The following AGPAT4 variants were observed in gnomAD, a reference collection of about 807,000 sequenced individuals.
The protein encoded by AGPAT4 is 1-acyl-sn-glycerol-3-phosphate acyltransferase delta.
In AGPAT4, 15 loss-of-function variants were observed where a neutral mutation model predicts 48.0. That is an observed-to-expected ratio of 0.31 (90% CI 0.21 to 0.48). The LOEUF is 0.48. Among genes scored for constraint, AGPAT4 ranks in the 20% least tolerant of loss-of-function variants. The pLI, the probability that AGPAT4 is intolerant of heterozygous loss-of-function variation, is 0.99. For synonymous variants in AGPAT4, 178 were observed against 198.7 expected (o/e 0.90, Z 0.88); for missense variants, 314 against 482.5 (o/e 0.65, Z 3.27).
Position 161,240,406 on chromosome 6 carries a change from GC to G in AGPAT4, c.-89-8105del, listed in dbSNP as rs1271803765. Among the ~76,000 whole-genome samples the G allele has an allele frequency of 6.6e-6, 1 of 152,170 alleles. No individual in the cohort carries two copies. Among genetic ancestry groups the G allele is most frequent in the East Asian group, 1.9e-4 (1 of 5,194 alleles). ...ACACACGGCTGCCCTCCCAAGGCAA[GC>G]TTTTTCCTCTATGCCACTGCACTCT... is the stretch of plus-strand genomic sequence containing the variant. On this transcript the variant is annotated intron_variant, in intron 1 of 8. Transcript: ENST00000320285. This position sits in a 1 kb window ranked among gnomAD's most constrained non-coding sequence, Gnocchi z 5.5.
chr6:161,189,454 C>A lies in AGPAT4; in HGVS notation c.179-23037G>T, dbSNP rs115241408. Among the ~76,000 whole-genome samples the A allele has an allele frequency of 0.013, 2,026 of 152,344 alleles. 50 individuals carry two copies. The highest frequency in any genetic ancestry group is 0.047 in the African/African-American group (1,938 of 41,578). On this transcript the variant is annotated intron_variant, in intron 2 of 8. Coordinates refer to ENST00000320285, the MANE Select transcript of AGPAT4 (RefSeq NM_020133.3). The surrounding 1 kb of genome is among the most constrained non-coding windows in gnomAD (Gnocchi z 5.3). ...AGAACCCACATGTATTGTACACACA[C>A]TGTAGCCACACAGTGAGTGAGGCTC...
At chr6:161,252,180 G>A (rs1289381216) in intron 1 of AGPAT4, among the ~76,000 whole-genome samples, 3 of 152,260 alleles carry the variant, frequency 2.0e-5, no homozygotes, top group South Asian at 2.1e-4. Flanking sequence ...ACAAAACTAC[G>A]GCCTCTGACA....
chr6:161,200,764 C>T lies in AGPAT4; in HGVS notation c.178+31272G>A, dbSNP rs867753925. 8.5e-5 allele frequency among the ~76,000 whole-genome samples: 13 copies of T among 152,170 alleles called. No homozygotes were observed. Among genetic ancestry groups the T allele is most frequent in the Admixed American group, 2.0e-4 (3 of 15,278 alleles). On this transcript the variant is annotated intron_variant, in intron 2 of 8. Transcript: ENST00000320285. The surrounding 1 kb of genome is among the most constrained non-coding windows in gnomAD (Gnocchi z 5.5). ...CCATCTGTTCCTGAAGCCATACGGT[C>T]CATGTGTTACACTGCCCCCGCAGGA...
chr6:161,247,882 T>C (rs1782698959), intron 1 of AGPAT4, among the ~76,000 whole-genome samples: 2 of 148,264 alleles, frequency 1.3e-5, no homozygotes, highest in Admixed American at 7.0e-5. Flanking sequence ...CTCAGAAGGC[T>C]GAGGCAGGAC....
rs1781751497 is a variant in AGPAT4 at position 161,219,703 on chromosome 6, C to T, written c.178+12333G>A. Reference sequence around the variant, plus strand: ...TACAATTCAGTATCACATGTGTATTCCTAAACTTGCTGATTCTTTAGGGCC... The same window carrying T: ...TACAATTCAGTATCACATGTGTATTTCTAAACTTGCTGATTCTTTAGGGCC... On this transcript the variant is annotated intron_variant, in intron 2 of 8. Coordinates refer to ENST00000320285, the MANE Select transcript of AGPAT4 (RefSeq NM_020133.3). The surrounding 1 kb of genome is among the most constrained non-coding windows in gnomAD (Gnocchi z 4.9). Among the ~76,000 whole-genome samples, 1 of 152,112 alleles carries T rather than the reference C, an allele frequency of 6.6e-6. No individual in the cohort carries two copies. The highest frequency in any genetic ancestry group is 2.4e-5 in the African/African-American group (1 of 41,406).
intron 2 of AGPAT4, among the ~76,000 whole-genome samples, chr6:161,199,574 G>A (rs1029090233): frequency 3.9e-5 from 6 of 152,258 alleles, no homozygotes; most frequent in Middle Eastern, 3.4e-3. Flanking sequence ...GTTTGGCTCC[G>A]TGTCCCCATC....
rs541986515 is a variant in AGPAT4 at position 161,132,274 on chromosome 6, A to C, written c.*4266T>G. 1 of 152,348 alleles carries C rather than the reference A, an allele frequency of 6.6e-6. No homozygotes were observed. The highest frequency in any genetic ancestry group is 1.9e-4 in the East Asian group (1 of 5,180). 9.4% of individuals were successfully genotyped at this position (152,348 alleles called of 1,614,324 possible). ...TGTAGGGAAGCACCCTTCTGAGATG[A>C]AACCAATTTCTTGTCCACACAGCCA... On this transcript the variant is annotated 3_prime_UTR_variant, in exon 9 of 9. Transcript: ENST00000320285.
chr6:161,234,896 T>C lies in AGPAT4; in HGVS notation c.-89-2594A>G, dbSNP rs994016669. On this transcript the variant is annotated intron_variant, in intron 1 of 8. Transcript: ENST00000320285. This position sits in a 1 kb window ranked among gnomAD's most constrained non-coding sequence, Gnocchi z 4.4. ...AGAATTCTTTTTTCCTTATAAAATT[T>C]CAAGGTAAATTGAAATTTTACCGTG... Among the ~76,000 whole-genome samples, 2 of 152,062 alleles carry C rather than the reference T, an allele frequency of 1.3e-5. No individual in the cohort carries two copies. Among genetic ancestry groups the C allele is most frequent in the Admixed American group, 1.3e-4 (2 of 15,270 alleles).
In AGPAT4 at chr6:161,149,761, T is replaced by G. The variant is rs138032649; in HGVS notation, c.665-472A>C. Among the ~76,000 whole-genome samples, 1,839 of 152,230 alleles carry G rather than the reference T, an allele frequency of 0.012. 33 individuals are homozygous for G. Among genetic ancestry groups the G allele is most frequent in the African/African-American group, 0.042 (1,750 of 41,536 alleles). ...TTCACCATGTTGGTCAGACTGGTCT[T>G]GAACTCCTGACCTCAAGTGCTCTGC... On this transcript the variant is annotated intron_variant, in intron 5 of 8. Transcript: ENST00000320285. The surrounding 1 kb of genome is among the most constrained non-coding windows in gnomAD (Gnocchi z 6.5).
intron 2 of AGPAT4, among the ~76,000 whole-genome samples, chr6:161,172,508 C>G (rs544573563): frequency 4.5e-4 from 68 of 152,328 alleles, no homozygotes; most frequent in African/African-American, 1.5e-3. Flanking sequence ...CTAGCCAGGA[C>G]GGCCACCTGG....
At position 161,223,018 on chromosome 6, in the gene AGPAT4, G is replaced by T. The variant is rs1781872764; in HGVS notation, c.178+9018C>A. ...TCCTCAGCACCTGGCTTGTGATGCTGCTTCACGGGGACGTCGCTGCGCCCT... is the reference window on the plus strand; with the variant it reads ...TCCTCAGCACCTGGCTTGTGATGCTTCTTCACGGGGACGTCGCTGCGCCCT... On this transcript the variant is annotated intron_variant, in intron 2 of 8. Transcript: ENST00000320285. The surrounding 1 kb of genome is among the most constrained non-coding windows in gnomAD (Gnocchi z 6.3). 6.6e-6 allele frequency among the ~76,000 whole-genome samples: 1 copy of T among 152,170 alleles called. No individual in the cohort carries two copies. Among genetic ancestry groups the T allele is most frequent in the Non-Finnish European group, 1.5e-5 (1 of 68,018 alleles).
intron 2 of AGPAT4, among the ~76,000 whole-genome samples, chr6:161,185,138 T>C (rs1466659623): frequency 2.6e-4 from 26 of 99,888 alleles, no homozygotes; most frequent in African/African-American, 1.0e-3. Flanking sequence ...ATACTCCAAA[T>C]GTTTAAAAAA....
At position 161,234,159 on chromosome 6, in the gene AGPAT4, G is replaced by A. The variant is rs1351262309; in HGVS notation, c.-89-1857C>T. Among the ~76,000 whole-genome samples, 2 of 152,164 alleles carry A rather than the reference G, an allele frequency of 1.3e-5. No homozygotes were observed. The highest frequency in any genetic ancestry group is 3.9e-4 in the East Asian group (2 of 5,188). On this transcript the variant is annotated intron_variant, in intron 1 of 8. Transcript: ENST00000320285. This position sits in a 1 kb window ranked among gnomAD's most constrained non-coding sequence, Gnocchi z 4.4. ...CACAGCTTTGAGTGCAGTCACTCCT[G>A]GGTCATGCAGGTTGGCTCTGAGGAT... is the stretch of plus-strand genomic sequence containing the variant.
rs1340358982 is a variant in AGPAT4, at chr6:161,171,246, T to C, written c.179-4829A>G. 3.3e-5 allele frequency among the ~76,000 whole-genome samples: 5 copies of C among 152,218 alleles called. No homozygotes were observed. The highest frequency in any genetic ancestry group is 1.2e-4 in the African/African-American group (5 of 41,454). ...TCTAAGAGAAGCAAAGATAAGGTATTTGCTGTTTGTCTTAGTCCATTTTAT... is the reference window on the plus strand; with the variant it reads ...TCTAAGAGAAGCAAAGATAAGGTATCTGCTGTTTGTCTTAGTCCATTTTAT... On this transcript the variant is annotated intron_variant, in intron 2 of 8. Transcript: ENST00000320285. This position sits in a 1 kb window ranked among gnomAD's most constrained non-coding sequence, Gnocchi z 4.4.
Position 161,266,643 on chromosome 6 carries a change from G to A in AGPAT4, c.-90+7295C>T, listed in dbSNP as rs894992079. ...AGGCCGAAGAATCTGCTCACCATCCGCCTTGCAACCTGCCCTTCCCCCAGC... is the reference window on the plus strand; with the variant it reads ...AGGCCGAAGAATCTGCTCACCATCCACCTTGCAACCTGCCCTTCCCCCAGC... On this transcript the variant is annotated intron_variant, in intron 1 of 8. Transcript: ENST00000320285. This position sits in a 1 kb window ranked among gnomAD's most constrained non-coding sequence, Gnocchi z 6.2. Among the ~76,000 whole-genome samples the A allele has an allele frequency of 1.2e-4, 18 of 152,238 alleles. No homozygotes were observed. The highest frequency in any genetic ancestry group is 3.4e-4 in the African/African-American group (14 of 41,548).
intron 5 of AGPAT4, among the ~76,000 whole-genome samples, chr6:161,150,037 C>A (rs1034386306): frequency 1.3e-5 from 2 of 152,170 alleles, no homozygotes; most frequent in Non-Finnish European, 2.9e-5. Flanking sequence ...ATTCTATGAG[C>A]ATTATTTTCC....
rs1193363423 is a variant in AGPAT4, at chr6:161,130,349, T to C, written c.*6191A>G. On this transcript the variant is annotated 3_prime_UTR_variant, in exon 9 of 9. Coordinates refer to ENST00000320285, the MANE Select transcript of AGPAT4 (RefSeq NM_020133.3). ...GGCATCTTTGCTCTCTCCTGGCCAT[T>C]ACTGCTTGCTTTTATGTACTGAAAA... 6.5e-6 allele frequency: 1 copy of C among 154,492 alleles called. No homozygotes were observed. The highest frequency in any genetic ancestry group is 2.4e-5 in the African/African-American group (1 of 41,430). 9.6% of individuals were successfully genotyped at this position (154,492 alleles called of 1,614,324 possible). A position where few individuals can be genotyped will look rare whatever the true frequency, so the allele number is the denominator to read the frequency against.
intron 1 of AGPAT4, among the ~76,000 whole-genome samples, chr6:161,253,165 A>G (rs577147057): frequency 6.6e-6 from 1 of 151,568 alleles, no homozygotes; most frequent in African/African-American, 2.4e-5. Flanking sequence ...GTGAGCCAAG[A>G]TTAAGCCACT....
intron 2 of AGPAT4, among the ~76,000 whole-genome samples, chr6:161,170,467 G>A (rs754656687): frequency 0.037 from 836 of 22,308 alleles, 6 homozygotes; most frequent in African/African-American, 0.084. Flanking sequence ...GCACACGTGC[G>A]CGCGCGCACA....
Sources: allele counts gnomAD v4.1 joint callset (sites outside exome capture counted in the v4.1 genomes callset), GRCh38; gene constraint gnomAD v4.1.1; non-coding constraint Gnocchi (gnomAD v3.1); transcripts MANE v1.5; gene names NCBI Gene and HGNC (gene_info 2026-07-23, HGNC 2026-07-21).